Variants in MYO3B observed in about 807,000 individuals in gnomAD.
MYO3B encodes the protein myosin IIIB.
MYO3B carries 156 observed loss-of-function variants against 174.6 expected under a neutral mutation model. That is an observed-to-expected ratio of 0.89 (90% CI 0.78 to 1.02). MYO3B has a LOEUF of 1.02. Among genes scored for constraint, MYO3B ranks in the 50% least tolerant of loss-of-function variants. The pLI is 0.00. For synonymous variants in MYO3B, 563 were observed against 569.1 expected (o/e 0.99, Z 0.15); for missense variants, 1,632 against 1,639.4 (o/e 1.00, Z 0.08).
At chr2:170,292,665 C>G (rs182390344) in intron 7 of MYO3B, among the ~76,000 whole-genome samples, 2 of 152,080 alleles carry the variant, frequency 1.3e-5, no homozygotes, top group Non-Finnish European at 1.5e-5. Context: ...GATCTGAGCC[C>G]TGCCTGTTTC....
intron 32 of MYO3B, among the ~76,000 whole-genome samples, chr2:170,630,294 T>C (rs1696840128): frequency 6.6e-6 from 1 of 152,134 alleles, no homozygotes; most frequent in Admixed American, 6.5e-5. Flanking sequence ...CCATGGATCC[T>C]TGCTCATTGC....
chr2:170,609,424 A>T (rs990452829), intron 32 of MYO3B, among the ~76,000 whole-genome samples: 2 of 152,198 alleles, frequency 1.3e-5, no homozygotes, highest in Admixed American at 6.5e-5. Flanking sequence ...CCCATCCAAG[A>T]TGTTCATAAC....
chr2:170,480,296 A>G (rs928927749), intron 25 of MYO3B, among the ~76,000 whole-genome samples: 1 of 152,096 alleles, frequency 6.6e-6, no homozygotes. Flanking sequence ...CCCATCATAT[A>G]TCACAGGGGG....
At chr2:170,398,533 A>G (rs34776274) in intron 16 of MYO3B, among the ~76,000 whole-genome samples, 7,122 of 152,232 alleles carry the variant, frequency 0.047, 214 homozygotes, top group Non-Finnish European at 0.069. Flanking sequence ...GAACTCTCTA[A>G]TCACATGATT....
At chr2:170,328,272 A>T (rs2093884113) in intron 7 of MYO3B, among the ~76,000 whole-genome samples, 1 of 152,118 alleles carries the variant, frequency 6.6e-6, no homozygotes, top group African/African-American at 2.4e-5. Context: ...GATACCCACC[A>T]CTGGAACGAG....
chr2:170,535,754 G>A (rs914644319), intron 30 of MYO3B, among the ~76,000 whole-genome samples: 3 of 152,164 alleles, frequency 2.0e-5, no homozygotes, highest in Non-Finnish European at 2.9e-5. Flanking sequence ...AGTGCCTGAT[G>A]GAAAGGAAGC....
intron 25 of MYO3B, among the ~76,000 whole-genome samples, chr2:170,469,386 T>C (rs1340734404): frequency 1.3e-5 from 2 of 152,216 alleles, no homozygotes; most frequent in Non-Finnish European, 2.9e-5. Context: ...CTAAGTCTTC[T>C]AGGGATTTTT....
chr2:170,631,044 G>C (rs1387369291), intron 32 of MYO3B, among the ~76,000 whole-genome samples: 2 of 152,212 alleles, frequency 1.3e-5, no homozygotes, highest in East Asian at 3.8e-4. Flanking sequence ...AACAAAGCTG[G>C]ACGGAGAATG....
intron 22 of MYO3B, among the ~76,000 whole-genome samples, chr2:170,421,955 C>T (rs2094618751): frequency 6.6e-6 from 1 of 152,168 alleles, no homozygotes; most frequent in Non-Finnish European, 1.5e-5. Context: ...CATGCAGTTT[C>T]TCCTACCCTC....
chr2:170,383,611 A>C, intron 11 of MYO3B, 99 bp from the exon 12 acceptor site: 1 of 885,224 alleles, frequency 1.1e-6, no homozygotes, highest in Admixed American at 2.0e-5. Flanking sequence ...TAATGCAACA[A>C]GTACCCTAAT....
chr2:170,243,236 C>T (rs1010402023), intron 7 of MYO3B, among the ~76,000 whole-genome samples: 1 of 152,174 alleles, frequency 6.6e-6, no homozygotes, highest in African/African-American at 2.4e-5. Flanking sequence ...CAGATCTTGG[C>T]TGGGCTTGCT....
rs558518792 is a variant in MYO3B at position 170,326,226 on chromosome 2, C to G, written c.750-9159C>G. 1.1e-4 allele frequency among the ~76,000 whole-genome samples: 16 copies of G among 151,912 alleles called. No individual in the cohort carries two copies. The South Asian group carries it at 3.3e-3, about 32-fold the overall frequency. ...GTAATGATCACCTTCAAAGAGCACA[C>G]TTCCAAAGAACCCATGTAAACAGTC... On this transcript the variant is annotated intron_variant, in intron 7 of 34. Coordinates refer to ENST00000408978, the MANE Select transcript of MYO3B (RefSeq NM_138995.5).
At chr2:170,473,145 T>C (rs1374886894) in intron 25 of MYO3B, among the ~76,000 whole-genome samples, 113 of 110,346 alleles carry the variant, frequency 1.0e-3, no homozygotes, top group African/African-American at 5.1e-3. Flanking sequence ...TTTTCTTTTT[T>C]TTTTTTTTTT....
rs1449369734 is a variant in MYO3B at position 170,405,541 on chromosome 2, A to G, written c.2432-4A>G. The G allele has an allele frequency of 2.5e-6, 4 of 1,613,914 alleles. No individual in the cohort carries two copies. Among genetic ancestry groups the G allele is most frequent in the Non-Finnish European group, 3.4e-6 (4 of 1,179,798 alleles). On this transcript the variant is annotated splice_region_variant and splice_polypyrimidine_tract_variant and intron_variant, in intron 20 of 34. Transcript: ENST00000408978. The stretch of plus-strand genomic sequence containing the variant: ...GTAACTCTCCAACATAAAAATCCAC[A>G]CAGATAAATTTGAAGATAATCTACG...
At chr2:170,537,758 G>T (rs1402980664) in intron 30 of MYO3B, among the ~76,000 whole-genome samples, 2 of 152,010 alleles carry the variant, frequency 1.3e-5, no homozygotes, top group African/African-American at 4.8e-5. Context: ...AGAGCTCTTT[G>T]GTTTTTGTTC....
intron 7 of MYO3B, among the ~76,000 whole-genome samples, chr2:170,284,222 G>C (rs540958498): frequency 1.3e-5 from 2 of 152,154 alleles, no homozygotes; most frequent in African/African-American, 2.4e-5. Context: ...GTCCAAATGA[G>C]CACCCTATAT....
chr2:170,209,941 G>A (rs1353544911), intron 3 of MYO3B, among the ~76,000 whole-genome samples: 5 of 152,054 alleles, frequency 3.3e-5, no homozygotes, highest in Admixed American at 6.6e-5. Context: ...ATACTCCAGG[G>A]CCCTCTGTAG....
intron 3 of MYO3B, among the ~76,000 whole-genome samples, chr2:170,204,232 A>G (rs144265057): frequency 4.6e-5 from 7 of 152,342 alleles, no homozygotes; most frequent in African/African-American, 7.2e-5. Flanking sequence ...ACAGTGTCCA[A>G]CATGATACTT....
chr2:170,429,326 T>C (rs1270895951), intron 22 of MYO3B, among the ~76,000 whole-genome samples: 3 of 152,130 alleles, frequency 2.0e-5, no homozygotes, highest in Non-Finnish European at 4.4e-5. Context: ...CTGGAATGAG[T>C]CTCCTAGTAG....
Sources: allele counts gnomAD v4.1 joint callset (sites outside exome capture counted in the v4.1 genomes callset), GRCh38; gene constraint gnomAD v4.1.1; transcripts MANE v1.5; gene names NCBI Gene and HGNC (gene_info 2026-07-23, HGNC 2026-07-21).